GLB1L3: variants seen among roughly 807,000 people sequenced by gnomAD.
GLB1L3 encodes beta-galactosidase-1-like protein 3.
In GLB1L3, 89 loss-of-function variants were observed where a neutral mutation model predicts 89.5. The observed-to-expected ratio is 0.99, with a 90% CI of 0.84 to 1.19. The LOEUF (loss-of-function observed/expected upper bound fraction) is 1.19. Ranked by LOEUF, GLB1L3 falls within the 50% of genes most tolerant of loss-of-function variation. The pLI is 0.00. For missense variants in GLB1L3, 812 were observed against 813.3 expected (o/e 1.00, Z 0.02); for synonymous variants, 314 against 312.3 (o/e 1.01, Z -0.06).
At chr11:134,282,933 C>CT (rs1307975347) in intron 5 of GLB1L3, among the ~76,000 whole-genome samples, 1 of 152,220 alleles carries the variant, frequency 6.6e-6, no homozygotes, top group Non-Finnish European at 1.5e-5. Context: ...GGCTGGAGGC[C>CT]TGCCTGGCAC....
intron 6 of GLB1L3, among the ~76,000 whole-genome samples, chr11:134,287,641 C>T (rs1027563181): frequency 3.3e-5 from 5 of 152,194 alleles, no homozygotes; most frequent in Non-Finnish European, 5.9e-5. Flanking sequence ...TATTTATGTC[C>T]ATCCAGCGAG....
rs561657811 is a variant in GLB1L3 at position 134,312,471 on chromosome 11, C to G, written c.1410C>G (p.His470Gln). The G allele has an allele frequency of 6.2e-7, 1 of 1,612,786 alleles. No individual in the cohort carries two copies. Among genetic ancestry groups the G allele is most frequent in the Non-Finnish European group, 8.5e-7 (1 of 1,179,866 alleles). The change falls in exon 14 of 20, where the codon CAC becomes CAG. Residue 470 changes from histidine (H) to glutamine (Q), a missense_variant. Transcript: ENST00000431683. ...SICSGGRLRA[H>Q]AHDVAQVFLD... ...GCTCCGGAGGCCGCCTCCGTGCCCA[C>G]GCTCATGACGTGGCACAGGTAGGGC...
At chr11:134,310,244 A>T (rs1942656266) in intron 11 of GLB1L3, 1 of 389,464 alleles carries the variant, frequency 2.6e-6, no homozygotes, top group South Asian at 4.6e-5. Context: ...AAATGTTTTA[A>T]GAAAGTTTAT....
chr11:134,308,544 T>C (rs909157755), intron 10 of GLB1L3, among the ~76,000 whole-genome samples: 46 of 16,496 alleles, frequency 2.8e-3, no homozygotes, highest in Non-Finnish European at 4.5e-3. Flanking sequence ...ACCACCACCA[T>C]CACCATCACC....
intron 6 of GLB1L3, among the ~76,000 whole-genome samples, chr11:134,285,389 T>A (rs188590513): frequency 2.2e-4 from 33 of 152,306 alleles, no homozygotes; most frequent in East Asian, 9.6e-4. Flanking sequence ...GTAATTTTTT[T>A]AAATTTAAAC....
intron 9 of GLB1L3, among the ~76,000 whole-genome samples, chr11:134,295,054 A>C (rs1941557997): frequency 6.6e-6 from 1 of 152,176 alleles, no homozygotes; most frequent in Non-Finnish European, 1.5e-5. Flanking sequence ...TTCCATGTTT[A>C]TGAAGGGCAT....
intron 6 of GLB1L3, among the ~76,000 whole-genome samples, chr11:134,285,317 G>C (rs914279265): frequency 2.0e-5 from 3 of 152,050 alleles, no homozygotes; most frequent in African/African-American, 7.3e-5. Flanking sequence ...CACACAGTCA[G>C]GTCTGTGACA....
rs367580106 is a variant in GLB1L3, at chr11:134,318,709, T to C, written c.1858T>C (p.Tyr620His). 2 of 1,612,712 alleles carry C rather than the reference T, an allele frequency of 1.2e-6. No homozygotes were observed. The highest frequency in any genetic ancestry group is 1.7e-6 in the Non-Finnish European group (2 of 1,179,128). Residue 620 changes from tyrosine (Y) to histidine (H), a missense_variant, in exon 19 of 20, where the codon TAC becomes CAC. Tyr to His is a moderately conservative substitution (Grantham distance 83). This residue lies in a region of GLB1L3 where 618 missense variants were observed against 604.0 expected (regional missense o/e 1.02). Transcript: ENST00000431683. ...GAATATTGGGCCTCAGAAAACACTGTACCTTCCTGGAGTTTGGCTTCATCC... is the reference window on the plus strand; with the variant it reads ...GAATATTGGGCCTCAGAAAACACTGCACCTTCCTGGAGTTTGGCTTCATCC... Reference protein sequence around the residue: ...YWNIGPQKTLYLPGVWLHPED... With the variant: ...YWNIGPQKTLHLPGVWLHPED...
At chr11:134,283,608 C>T (rs1002724182) in intron 5 of GLB1L3, 129 bp from the exon 6 acceptor site, 3 of 599,704 alleles carry the variant, frequency 5.0e-6, no homozygotes, top group African/African-American at 3.7e-5. Context: ...TTCCAGGACC[C>T]GAGTGCTCCG....
rs1333841495 is a variant in GLB1L3 at position 134,314,012 on chromosome 11, A to G, written c.1651A>G (p.Met551Val). Residue 551 changes from methionine (M) to valine (V), a missense_variant, in exon 17 of 20, where the codon ATG becomes GTG. Physicochemically the swap from Met to Val is conservative, Grantham distance 21. Transcript: ENST00000431683. ...GFTIYSLEMKMSFFERLRSAT... is the reference protein window; with the variant it reads ...GFTIYSLEMKVSFFERLRSAT... The stretch of plus-strand genomic sequence containing the variant: ...TACCATCTATTCCCTGGAGATGAAA[A>G]TGAGCTTCTTTGAGAGGTATGCTCC... 8 of 1,611,136 alleles carry G rather than the reference A, an allele frequency of 5.0e-6. No individual in the cohort carries two copies. The highest frequency in any genetic ancestry group is 4.0e-5 in the African/African-American group (3 of 74,990).
chr11:134,295,508 T>C (rs1242956629), intron 9 of GLB1L3, among the ~76,000 whole-genome samples: 1 of 152,198 alleles, frequency 6.6e-6, no homozygotes, highest in Non-Finnish European at 1.5e-5. Context: ...GTATTTATTT[T>C]GGTTAGTGTG....
At chr11:134,312,251 T>C in intron 13 of GLB1L3, 98 bp from the exon 14 acceptor site, 1 of 1,379,354 alleles carries the variant, frequency 7.2e-7, no homozygotes, top group Non-Finnish European at 1.0e-6. Context: ...TGAAGAACCC[T>C]TGGGGACCAT....
chr11:134,291,273 C>CT (rs11344045), intron 7 of GLB1L3, among the ~76,000 whole-genome samples: 6,547 of 141,962 alleles, frequency 0.046, 320 homozygotes, highest in Admixed American at 0.13. Context: ...CTCCCATATG[C>CT]TTTTTTTTTT....
At chr11:134,317,372 T>C (rs973137012) in intron 18 of GLB1L3, among the ~76,000 whole-genome samples, 2 of 152,236 alleles carry the variant, frequency 1.3e-5, no homozygotes, top group Admixed American at 6.5e-5. Context: ...GATAGTCTTA[T>C]ACCCTACAAG....
intron 15 of GLB1L3, 27 bp from the exon 16 acceptor site, chr11:134,313,369 T>G (rs773505135): frequency 1.4e-5 from 22 of 1,551,090 alleles, no homozygotes; most frequent in Non-Finnish European, 1.9e-5. Flanking sequence ...GGCTGCGTGG[T>G]CTCCATGACC....
intron 11 of GLB1L3, chr11:134,310,287 T>C (rs1251239063): frequency 4.2e-6 from 2 of 473,488 alleles, no homozygotes; most frequent in Non-Finnish European, 7.6e-6. Context: ...AAAGCCATCC[T>C]GGGCCGCCTG....
At chr11:134,316,958 G>A (rs922772052) in intron 18 of GLB1L3, 1 of 152,176 alleles carries the variant, frequency 6.6e-6, no homozygotes, top group African/African-American at 2.4e-5. Context: ...AAGGCAAATA[G>A]TGTAGACCGA....
chr11:134,283,656 G>A (rs1040641631), intron 5 of GLB1L3, 81 bp from the exon 6 acceptor site: 22 of 731,600 alleles, frequency 3.0e-5, no homozygotes, highest in African/African-American at 5.3e-5. Flanking sequence ...GATGTGCGGC[G>A]AGCCGGGGCA....
In GLB1L3 at chr11:134,305,116, G is replaced by A. The variant is rs199803256; in HGVS notation, c.877-2008G>A. 5,340 of 1,548,476 alleles carry A rather than the reference G, an allele frequency of 3.4e-3. 13 individuals are homozygous for A. Among genetic ancestry groups the A allele is most frequent in the Non-Finnish European group, 4.3e-3 (4,960 of 1,145,240 alleles). ...CCTTTTTGCTTTCTCTCCTCCCAGGGAGCCAGTATAGATGCAGGACTGCTC... is the reference window on the plus strand; with the variant it reads ...CCTTTTTGCTTTCTCTCCTCCCAGGAAGCCAGTATAGATGCAGGACTGCTC... On this transcript the variant is annotated intron_variant, in intron 9 of 19. Coordinates refer to ENST00000431683, the MANE Select transcript of GLB1L3 (RefSeq NM_001080407.3).
Sources: gnomAD v4.1 joint callset for allele counts (sites outside exome capture counted in the v4.1 genomes callset) on GRCh38, gnomAD v4.1.1 for gene constraint, gnomAD v4.1.1 regional missense constraint, MANE v1.5 for transcripts, NCBI Gene and HGNC (gene_info 2026-07-23, HGNC 2026-07-21) for gene names.